ADCY7: variants seen among roughly 807,000 people sequenced by gnomAD.
ADCY7 encodes adenylate cyclase 7.
A neutral mutation model predicts 120.6 loss-of-function variants in ADCY7; 72 were observed. The ratio of observed to expected loss-of-function variants is 0.60; its 90% CI spans 0.49 to 0.73. The LOEUF is 0.73. Among genes scored for constraint, ADCY7 ranks in the 30% least tolerant of loss-of-function variants. The pLI, the probability that ADCY7 is intolerant of heterozygous loss-of-function variation, is 0.00. For missense variants in ADCY7, 1,227 were observed against 1,486.0 expected, an observed-to-expected ratio of 0.83 and a Z score of 2.87; for synonymous variants, 661 against 628.0, an observed-to-expected ratio of 1.05 and a Z score of -0.78.
At chr16:50,247,799 C>T (rs927241398) in intron 1 of ADCY7, among the ~76,000 whole-genome samples, 1 of 152,200 alleles carries the variant, frequency 6.6e-6, no homozygotes, top group Non-Finnish European at 1.5e-5. Flanking sequence ...AGCTGCCTCT[C>T]CTCTGCTCGT....
At chr16:50,275,793 T>C (rs937379441) in intron 1 of ADCY7, among the ~76,000 whole-genome samples, 1 of 152,152 alleles carries the variant, frequency 6.6e-6, no homozygotes, top group Non-Finnish European at 1.5e-5. Context: ...TGGGTTCGAA[T>C]CCTAGCTCCA....
Position 50,308,355 on chromosome 16 carries a change from C to T in ADCY7, c.1879C>T (p.Leu627=), listed in dbSNP as rs2036219169. Residue 627 remains leucine, a synonymous_variant, in exon 16 of 26, where the codon CTG becomes TTG. Transcript: ENST00000673801. ...GGCGGCACTGGGTGTGTCCTTCGGG[C>T]TGGTGGCCTGTGTACTGGGGCTGGT... ...RTAALGVSFG[L]VACVLGLVLG... is the part of the protein sequence containing the mutation. 3 of 1,614,056 alleles carry T rather than the reference C, an allele frequency of 1.9e-6. No individual in the cohort carries two copies. In the African/African-American group the frequency reaches 4.0e-5, roughly 22 times the overall value.
At chr16:50,295,405 G>T (rs1396382733) in intron 7 of ADCY7, among the ~76,000 whole-genome samples, 1 of 139,206 alleles carries the variant, frequency 7.2e-6, no homozygotes, top group African/African-American at 2.7e-5. Context: ...ATGTAGGCCA[G>T]GCTGGTCTCG....
At chr16:50,256,546 T>TA (rs1214725012) in intron 1 of ADCY7, among the ~76,000 whole-genome samples, 3 of 151,730 alleles carry the variant, frequency 2.0e-5, no homozygotes, top group African/African-American at 7.3e-5. Flanking sequence ...CTACAAAAAA[T>TA]AAAAAAACAA....
chr16:50,255,134 A>AT (rs1287904703), intron 1 of ADCY7, among the ~76,000 whole-genome samples: 1 of 148,878 alleles, frequency 6.7e-6, no homozygotes, highest in Non-Finnish European at 1.5e-5. Flanking sequence ...AAAAAAAAAA[A>AT]AAAAAATTAA....
At chr16:50,262,936 G>C (rs928478433), upstream of ADCY7, among the ~76,000 whole-genome samples, 1 of 152,232 alleles carries the variant, frequency 6.6e-6, no homozygotes, top group Non-Finnish European at 1.5e-5. Flanking sequence ...GCCAGGGCTG[G>C]GAGATCTTGG....
chr16:50,251,112 C>T (rs4785394), intron 1 of ADCY7, among the ~76,000 whole-genome samples: 56,240 of 151,712 alleles, frequency 0.37, 11,190 homozygotes, highest in Middle Eastern at 0.5. Context: ...TGGTGGCACA[C>T]GCCTGTGGTC....
chr16:50,301,329 G>A, intron 10 of ADCY7, 115 bp downstream of exon 10: 1 of 1,380,788 alleles, frequency 7.2e-7, no homozygotes, highest in Non-Finnish European at 9.7e-7. Flanking sequence ...GTGGGGAAGG[G>A]CCCTGCCTGG....
intron 18 of ADCY7, chr16:50,310,485 A>G (rs1297982110): frequency 1.3e-6 from 2 of 1,536,628 alleles, no homozygotes; most frequent in Non-Finnish European, 1.7e-6. Context: ...CGTTTAAATG[A>G]GCTCACTTCA....
At chr16:50,273,306 G>A (rs1265963020) in intron 1 of ADCY7, among the ~76,000 whole-genome samples, 4 of 152,178 alleles carry the variant, frequency 2.6e-5, no homozygotes, top group South Asian at 2.1e-4. Flanking sequence ...TGAGATTCAC[G>A]GCCTGCTGTT....
At chr16:50,300,608 C>T (rs372380731) in intron 8 of ADCY7, 107 bp from the exon 9 acceptor site, 38 of 1,344,912 alleles carry the variant, frequency 2.8e-5, no homozygotes, top group African/African-American at 2.2e-4. Context: ...GTGGGCTGAG[C>T]GCCTGCCCTG....
intron 2 of ADCY7, among the ~76,000 whole-genome samples, chr16:50,289,771 TCTTTTTAGTGAATGTA>T (rs1477117924): frequency 6.6e-6 from 1 of 152,262 alleles, no homozygotes; most frequent in African/African-American, 2.4e-5. Context: ...CAGCCCATTT[TCTTTTTAGTGAATGTA>T]AATTTGATTA....
chr16:50,309,089 C>T (rs2036275172), intron 17 of ADCY7: 1 of 364,912 alleles, frequency 2.7e-6, no homozygotes. Flanking sequence ...AGTTTCCCCT[C>T]TCAGGGATGA....
chr16:50,256,452 C>G (rs989936939), intron 1 of ADCY7, among the ~76,000 whole-genome samples: 4 of 152,132 alleles, frequency 2.6e-5, no homozygotes, highest in Non-Finnish European at 5.9e-5. Context: ...CCTGTAATTC[C>G]AGCACTTTGG....
At chr16:50,280,492 T>C (rs1171680395) in intron 1 of ADCY7, among the ~76,000 whole-genome samples, 2 of 152,132 alleles carry the variant, frequency 1.3e-5, no homozygotes, top group African/African-American at 4.8e-5. Flanking sequence ...GGCTTGGGGT[T>C]GATTTGTTTT....
At chr16:50,254,452 C>T (rs72782111) in intron 1 of ADCY7, among the ~76,000 whole-genome samples, 3,044 of 152,306 alleles carry the variant, frequency 0.02, 38 homozygotes, top group Non-Finnish European at 0.033. Flanking sequence ...GTAAAGTCAA[C>T]ACACAAAAAT....
intron 2 of ADCY7, among the ~76,000 whole-genome samples, chr16:50,288,603 G>A (rs528376624): frequency 2.0e-5 from 3 of 152,166 alleles, no homozygotes; most frequent in East Asian, 1.9e-4. Context: ...TCAGCCTTCC[G>A]AGTAGCTAGG....
chr16:50,259,310 T>A (rs955148378), intron 1 of ADCY7, among the ~76,000 whole-genome samples: 17 of 152,312 alleles, frequency 1.1e-4, no homozygotes, highest in Admixed American at 9.8e-4. Context: ...TGAAGCCCCC[T>A]TTGAGGATCT....
chr16:50,259,187 C>T (rs1022294565), intron 1 of ADCY7, among the ~76,000 whole-genome samples: 1 of 152,148 alleles, frequency 6.6e-6, no homozygotes, highest in East Asian at 1.9e-4. Flanking sequence ...ATTTTCTTCC[C>T]GATTTTCTTG....
Sources: allele counts gnomAD v4.1 joint callset (sites outside exome capture counted in the v4.1 genomes callset), GRCh38; gene constraint gnomAD v4.1.1; transcripts MANE v1.5; gene names NCBI Gene and HGNC (gene_info 2026-07-23, HGNC 2026-07-21).